NUDT6: variants seen among roughly 807,000 people sequenced by gnomAD.
The protein encoded by NUDT6 is FAD diphosphatase NUDT6.
A neutral mutation model predicts 36.8 loss-of-function variants in NUDT6; 24 were observed. That is an observed-to-expected ratio of 0.65 (90% CI 0.47 to 0.92). The LOEUF (loss-of-function observed/expected upper bound fraction) is 0.92, where lower values mean the gene tolerates loss of function less well. Ranked by LOEUF, NUDT6 falls within the 40% of genes least tolerant of loss-of-function variation. The probability of loss-of-function intolerance (pLI) is 0.00; values close to 1 mark genes in which losing one functional copy is unlikely to be tolerated. For missense variants in NUDT6, 388 were observed against 392.8 expected, an observed-to-expected ratio of 0.99 and a Z score of 0.10; for synonymous variants, 163 against 157.0, an observed-to-expected ratio of 1.04 and a Z score of -0.29.
chr4:122,898,454 A>C (rs1313432649), intron 3 of NUDT6, among the ~76,000 whole-genome samples: 1 of 151,030 alleles, frequency 6.6e-6, no homozygotes, highest in Non-Finnish European at 1.5e-5. Context: ...AGAATGAGAA[A>C]TTATAACATA....
upstream of NUDT6, chr4:122,922,791 C>A: frequency 1.7e-6 from 1 of 579,466 alleles, no homozygotes; most frequent in Admixed American, 3.3e-5. Flanking sequence ...CCTCCCCCAC[C>A]GCCACTCACT....
At chr4:122,918,126 T>C (rs1727886406) in intron 1 of NUDT6, 2 of 157,356 alleles carry the variant, frequency 1.3e-5, no homozygotes, top group South Asian at 1.9e-4. Context: ...AGTTCTGTTA[T>C]AATGTTTTTA....
intron 3 of NUDT6, among the ~76,000 whole-genome samples, chr4:122,907,193 T>G (rs111528459): frequency 0.048 from 7,252 of 152,128 alleles, 332 homozygotes; most frequent in South Asian, 0.15. Context: ...GGCAGTGGCA[T>G]GATCTCAGGT....
chr4:122,917,750 T>C (rs376465478), intron 1 of NUDT6, 46 bp from the exon 2 acceptor site: 3 of 1,572,154 alleles, frequency 1.9e-6, no homozygotes, highest in African/African-American at 1.4e-5. Flanking sequence ...AAGAGACGAG[T>C]GGAATAAATT....
chr4:122,904,480 A>G (rs1727580836), intron 3 of NUDT6, among the ~76,000 whole-genome samples: 1 of 150,036 alleles, frequency 6.7e-6, no homozygotes, highest in Admixed American at 6.6e-5. Context: ...TTTTTTTTAG[A>G]CAGAGTCTTG....
At chr4:122,901,741 A>T (rs573766305) in intron 3 of NUDT6, among the ~76,000 whole-genome samples, 1 of 152,280 alleles carries the variant, frequency 6.6e-6, no homozygotes, top group African/African-American at 2.4e-5. Flanking sequence ...AATGGGTGAA[A>T]GGAATGATTC....
chr4:122,895,076 C>G (rs868279757), intron 4 of NUDT6: 1 of 152,194 alleles, frequency 6.6e-6, no homozygotes, highest in African/African-American at 2.4e-5. Flanking sequence ...GAATCACTAA[C>G]TGACTGAAAA....
chr4:122,921,665 A>C (rs1373504724), intron 1 of NUDT6: 3 of 151,566 alleles, frequency 2.0e-5, no homozygotes, highest in Non-Finnish European at 4.4e-5. Flanking sequence ...ATTATGGTTG[A>C]ATGCTTGTGG....
rs199833283 is a variant in NUDT6, at chr4:122,893,229, C to T, written c.554-4G>A. ...ACTTCTCGAACCGCTGTGTCTCCTA[C>T]GTAAAAAAAGAGATGTACAAATCAA... On this transcript the variant is annotated splice_region_variant and splice_polypyrimidine_tract_variant and intron_variant, in intron 4 of 4. Coordinates refer to ENST00000304430, the MANE Select transcript of NUDT6 (RefSeq NM_007083.5). The T allele has an allele frequency of 2.0e-4, 313 of 1,584,398 alleles. 2 individuals are homozygous for T. In the Admixed American group the frequency reaches 4.9e-3, roughly 25 times the overall value.
At chr4:122,922,845 T>G (rs1227495197), upstream of NUDT6, 2 of 564,960 alleles carry the variant, frequency 3.5e-6, no homozygotes, top group African/African-American at 3.8e-5. Flanking sequence ...GGTTTAGGGA[T>G]GGGGAAGCCG....
At chr4:122,911,267 G>T (rs1023705458) in intron 3 of NUDT6, among the ~76,000 whole-genome samples, 1 of 152,090 alleles carries the variant, frequency 6.6e-6, no homozygotes, top group Non-Finnish European at 1.5e-5. Flanking sequence ...TTTGCATATT[G>T]TTATTAGATT....
intron 2 of NUDT6, among the ~76,000 whole-genome samples, chr4:122,916,942 A>G (rs1458093262): frequency 6.6e-6 from 1 of 152,206 alleles, no homozygotes; most frequent in Non-Finnish European, 1.5e-5. Flanking sequence ...TGGATCATGG[A>G]TACACTGGAT....
chr4:122,904,095 CT>C (rs1262890280), intron 3 of NUDT6, among the ~76,000 whole-genome samples: 1 of 152,150 alleles, frequency 6.6e-6, no homozygotes, highest in East Asian at 1.9e-4. Flanking sequence ...AAAGGCAAAG[CT>C]TTCTGAGAAT....
At chr4:122,904,530 C>T (rs1727581411) in intron 3 of NUDT6, among the ~76,000 whole-genome samples, 1 of 151,966 alleles carries the variant, frequency 6.6e-6, no homozygotes, top group African/African-American at 2.4e-5. Flanking sequence ...ATGATCTTGG[C>T]TCACTGCAAC....
At chr4:122,908,533 C>T (rs4833846) in intron 3 of NUDT6, among the ~76,000 whole-genome samples, 66,047 of 151,936 alleles carry the variant, frequency 0.43, 17,019 homozygotes, top group Non-Finnish European at 0.57. Context: ...TAAATGTATA[C>T]CATCCACATA....
At chr4:122,914,355 T>C (rs1387314887) in intron 2 of NUDT6, among the ~76,000 whole-genome samples, 1 of 152,148 alleles carries the variant, frequency 6.6e-6, no homozygotes, top group Non-Finnish European at 1.5e-5. Flanking sequence ...TTACAAGAGG[T>C]AGACTGCCAA....
At chr4:122,917,932 G>A (rs973955867) in intron 1 of NUDT6, 3 of 524,986 alleles carry the variant, frequency 5.7e-6, no homozygotes, top group Non-Finnish European at 1.0e-5. Context: ...TCATTACACT[G>A]CTGACCTTTA....
chr4:122,914,376 A>T (rs1470757668), intron 2 of NUDT6, among the ~76,000 whole-genome samples: 3 of 152,226 alleles, frequency 2.0e-5, no homozygotes. Context: ...AGAAATGCCA[A>T]GGAAACTTAC....
At chr4:122,915,773 A>G (rs1727826748) in intron 2 of NUDT6, among the ~76,000 whole-genome samples, 1 of 152,186 alleles carries the variant, frequency 6.6e-6, no homozygotes, top group African/African-American at 2.4e-5. Flanking sequence ...AATTATTTGC[A>G]TAACTTTCCA....
Sources: allele counts gnomAD v4.1 joint callset (sites outside exome capture counted in the v4.1 genomes callset), GRCh38; gene constraint gnomAD v4.1.1; transcripts MANE v1.5; gene names NCBI Gene and HGNC (gene_info 2026-07-23, HGNC 2026-07-21).